Variants in SMOC2 observed in about 807,000 individuals in gnomAD.
SMOC2 encodes SPARC-related modular calcium-binding protein 2.
Under a neutral mutation model 61.4 loss-of-function variants are expected in SMOC2, and 39 were observed. The ratio of observed to expected loss-of-function variants is 0.64; its 90% CI spans 0.49 to 0.83. The LOEUF is 0.83. Ranked by LOEUF, SMOC2 falls within the 40% of genes least tolerant of loss-of-function variation. The pLI, the probability that SMOC2 is intolerant of heterozygous loss-of-function variation, is 0.00. For missense variants in SMOC2, 556 were observed against 592.9 expected (o/e 0.94, Z 0.65); for synonymous variants, 247 against 239.9 (o/e 1.03, Z -0.27).
intron 11 of SMOC2, among the ~76,000 whole-genome samples, chr6:168,656,555 GAAA>G (rs5881806): frequency 7.4e-6 from 1 of 136,042 alleles, no homozygotes; most frequent in Non-Finnish European, 1.6e-5. Context: ...AAGAGAAAAG[GAAA>G]AAAAAAAAAC....
At chr6:168,657,048 A>G (rs1371272008) in intron 11 of SMOC2, among the ~76,000 whole-genome samples, 1 of 152,236 alleles carries the variant, frequency 6.6e-6, no homozygotes, top group Non-Finnish European at 1.5e-5. Context: ...TAATAAGACA[A>G]AAAAGAAAAG....
chr6:168,483,547 A>T (rs1357356106), intron 1 of SMOC2, among the ~76,000 whole-genome samples: 1 of 152,124 alleles, frequency 6.6e-6, no homozygotes, highest in Non-Finnish European at 1.5e-5. Flanking sequence ...TACAGATTTA[A>T]CTCAATCCCT....
chr6:168,574,535 A>G (rs534409005), intron 7 of SMOC2, among the ~76,000 whole-genome samples: 13 of 152,298 alleles, frequency 8.5e-5, no homozygotes, highest in Admixed American at 5.9e-4. Flanking sequence ...AAAGGGTGCA[A>G]GAGCAGCTCT....
intron 1 of SMOC2, among the ~76,000 whole-genome samples, chr6:168,465,570 A>G (rs920162103): frequency 1.2e-4 from 18 of 152,180 alleles, no homozygotes; most frequent in Non-Finnish European, 1.0e-4. Flanking sequence ...TGTGATTGTT[A>G]AAAATGCTAC....
intron 9 of SMOC2, among the ~76,000 whole-genome samples, chr6:168,635,529 G>T (rs1369844314): frequency 6.6e-6 from 1 of 152,048 alleles, no homozygotes; most frequent in African/African-American, 2.4e-5. Flanking sequence ...TATTTTTTAG[G>T]TTCATCTGTC....
At chr6:168,570,903 G>A (rs771804149) in intron 7 of SMOC2, among the ~76,000 whole-genome samples, 2 of 152,108 alleles carry the variant, frequency 1.3e-5, no homozygotes, top group Non-Finnish European at 2.9e-5. Flanking sequence ...TAAACGTCTT[G>A]TTTTCTTTTC....
intron 1 of SMOC2, 22 bp from the exon 2 acceptor site, chr6:168,509,893 G>T: frequency 6.3e-7 from 1 of 1,577,848 alleles, no homozygotes; most frequent in East Asian, 2.3e-5. Context: ...AATTTGTCTG[G>T]CTTCTTTTTT....
chr6:168,601,223 A>AC (rs1431998735), intron 8 of SMOC2, among the ~76,000 whole-genome samples: 4 of 152,168 alleles, frequency 2.6e-5, no homozygotes, highest in Admixed American at 2.6e-4. Flanking sequence ...GATCGGGTCC[A>AC]CCCATCACCG....
At chr6:168,441,580 C>A (rs1486612958) in intron 1 of SMOC2, 126 bp downstream of exon 1, 3 of 1,278,376 alleles carry the variant, frequency 2.3e-6, no homozygotes, top group Non-Finnish European at 3.0e-6. Context: ...GCCCCGGGGG[C>A]CGTGGAGCCT....
intron 1 of SMOC2, among the ~76,000 whole-genome samples, chr6:168,464,560 T>C (rs546409386): frequency 2.1e-5 from 2 of 93,198 alleles, no homozygotes; most frequent in South Asian, 6.1e-4. Flanking sequence ...TCAATTAGGA[T>C]TTTCATTTTT....
intron 12 of SMOC2, chr6:168,664,863 T>G (rs1787620545): frequency 2.1e-6 from 1 of 467,050 alleles, no homozygotes; most frequent in Non-Finnish European, 4.4e-6. Flanking sequence ...CCCCACTTCT[T>G]TGCTGCCGCG....
At chr6:168,541,268 T>C (rs1190045107) in intron 4 of SMOC2, among the ~76,000 whole-genome samples, 4 of 152,200 alleles carry the variant, frequency 2.6e-5, no homozygotes, top group African/African-American at 9.6e-5. Context: ...GGGGATCACT[T>C]AGCAACCTCT....
chr6:168,617,467 G>A (rs925384274), intron 9 of SMOC2, among the ~76,000 whole-genome samples: 1 of 152,040 alleles, frequency 6.6e-6, no homozygotes, highest in Non-Finnish European at 1.5e-5. Context: ...CTCTGAAGAC[G>A]GGGCAGGAAG....
rs1781479950 is a variant in SMOC2, at chr6:168,452,074, GTGGGGTCT to G, written c.84+10621_84+10628del. On this transcript the variant is annotated intron_variant, in intron 1 of 12. Coordinates refer to ENST00000356284, the MANE Select transcript of SMOC2 (RefSeq NM_001166412.2). This position sits in a 1 kb window ranked among gnomAD's most constrained non-coding sequence, Gnocchi z 5.0. ...CTGTCTTTTAGGGGAGGGTCGCATGGTGGGGTCTGGGGTTACCACCACCAGCAAAGTTT... is the reference window on the plus strand; with the variant it reads ...CTGTCTTTTAGGGGAGGGTCGCATGGGGGGTTACCACCACCAGCAAAGTTT... Among the ~76,000 whole-genome samples the G allele has an allele frequency of 6.6e-6, 1 of 152,204 alleles. No homozygotes were observed. The highest frequency in any genetic ancestry group is 1.5e-5 in the Non-Finnish European group (1 of 68,040).
chr6:168,579,726 A>G (rs11960972), intron 7 of SMOC2, among the ~76,000 whole-genome samples: 16,224 of 150,430 alleles, frequency 0.11, 1,529 homozygotes, highest in African/African-American at 0.25. Context: ...TGTGGCCTTG[A>G]TTGTGGTGGG....
chr6:168,558,511 GC>G lies in SMOC2; in HGVS notation c.637+9315del, dbSNP rs763085942. 3.3e-5 allele frequency among the ~76,000 whole-genome samples: 5 copies of G among 152,052 alleles called. No homozygotes were observed. The South Asian group carries it at 6.3e-4, about 19-fold the overall frequency. On this transcript the variant is annotated intron_variant, in intron 7 of 12. Transcript: ENST00000356284. Reference sequence around the variant, plus strand: ...GAAGGGGGGCCTGGGCTGGTTCTCGGCCCCCCCTGTGTGATCCTGATCAATG... The same window carrying G: ...GAAGGGGGGCCTGGGCTGGTTCTCGGCCCCCCTGTGTGATCCTGATCAATG...
At chr6:168,461,919 C>G (rs915824627) in intron 1 of SMOC2, among the ~76,000 whole-genome samples, 10 of 152,334 alleles carry the variant, frequency 6.6e-5, no homozygotes, top group Admixed American at 4.6e-4. Flanking sequence ...TCACTAGGCT[C>G]ACGTGGCAAT....
Position 168,666,509 on chromosome 6 carries a change from C to T in SMOC2, c.*71C>T. 1 of 1,527,570 alleles carries T rather than the reference C, an allele frequency of 6.5e-7. No individual in the cohort carries two copies. Among genetic ancestry groups the T allele is most frequent in the Admixed American group, 1.7e-5 (1 of 58,432 alleles). The allele number at this position is 1,527,570 out of a possible 1,614,324, so 94.6% of individuals were successfully genotyped here. On this transcript the variant is annotated 3_prime_UTR_variant, in exon 13 of 13. Coordinates refer to ENST00000356284, the MANE Select transcript of SMOC2 (RefSeq NM_001166412.2). ...CCTCACCAAAGAGCAATTAAGAAAA[C>T]AAAAACAGAAACACATAGTATTTGC...
intron 4 of SMOC2, 114 bp downstream of exon 4, chr6:168,527,841 G>A: frequency 2.7e-6 from 2 of 736,004 alleles, no homozygotes; most frequent in South Asian, 1.6e-5. Context: ...AGTTTGGCCG[G>A]CATTGTGAGC....
Sources: gnomAD v4.1 joint callset for allele counts (sites outside exome capture counted in the v4.1 genomes callset) on GRCh38, gnomAD v4.1.1 for gene constraint, Gnocchi (gnomAD v3.1) non-coding constraint, MANE v1.5 for transcripts, NCBI Gene and HGNC (gene_info 2026-07-23, HGNC 2026-07-21) for gene names.